The following MROH9 variants were observed in gnomAD, a reference collection of about 807,000 sequenced individuals.
MROH9 encodes the protein maestro heat-like repeat-containing protein family member 9.
A neutral mutation model predicts 98.2 loss-of-function variants in MROH9; 92 were observed. The ratio of observed to expected loss-of-function variants is 0.94; its 90% confidence interval spans 0.79 to 1.11. The LOEUF (loss-of-function observed/expected upper bound fraction) is 1.11. Among genes scored for constraint, MROH9 ranks in the 50% most tolerant of loss-of-function variants. MROH9 has a pLI of 0.00. For synonymous variants in MROH9, 397 were observed against 368.9 expected, an observed-to-expected ratio of 1.08 and a Z score of -0.87; for missense variants, 1,057 against 1,014.8, an observed-to-expected ratio of 1.04 and a Z score of -0.57.
At chr1:171,041,897 C>A (rs72710597) in intron 20 of MROH9, among the ~76,000 whole-genome samples, 13,641 of 151,802 alleles carry the variant, frequency 0.09, 757 homozygotes, top group Middle Eastern at 0.21. Context: ...TTTATGGGTA[C>A]ATGGGATATT....
chr1:170,979,580 T>C (rs1650848562), intron 8 of MROH9, among the ~76,000 whole-genome samples: 2 of 152,110 alleles, frequency 1.3e-5, no homozygotes, highest in South Asian at 4.1e-4. Context: ...CTCAAAGAAA[T>C]TTTGGGGGCC....
chr1:170,992,289 A>C lies in MROH9; in HGVS notation c.1154A>C (p.Lys385Thr). The change falls in exon 12 of 22, where the codon AAA becomes ACA. Residue 385 changes from lysine (K) to threonine (T), a missense_variant. Physicochemically the swap from Lys to Thr is moderately conservative, Grantham distance 78. Transcript: ENST00000367759. ...ATGGAGGACACCGTAACGGAAGGGA[A>C]ACGTTTCTCTCTTGATATTACCAAC... ...GEMEDTVTEGKRFSLDITNLM... is the reference protein window; with the variant it reads ...GEMEDTVTEGTRFSLDITNLM... 1.2e-6 allele frequency: 2 copies of C among 1,613,520 alleles called. No homozygotes were observed. The highest frequency in any genetic ancestry group is 2.2e-5 in the South Asian group (2 of 91,064).
chr1:170,937,665 G>A (rs1052603176), intron 1 of MROH9, among the ~76,000 whole-genome samples: 3 of 150,268 alleles, frequency 2.0e-5, no homozygotes, highest in Non-Finnish European at 3.0e-5. Flanking sequence ...GGGACTACAG[G>A]CGCCCGCCAC....
intron 3 of MROH9, among the ~76,000 whole-genome samples, chr1:170,957,124 T>C (rs753600123): frequency 3.9e-5 from 6 of 152,106 alleles, no homozygotes; most frequent in Non-Finnish European, 7.3e-5. Flanking sequence ...ATAGGTTGTC[T>C]TTCTAATTTT....
At position 170,970,350 on chromosome 1, in the gene MROH9, C is replaced by T. The variant is rs943125554; in HGVS notation, c.481-1398C>T. On this transcript the variant is annotated intron_variant, in intron 7 of 21. Transcript: ENST00000367759. ...AAAACTTGATCCTTTTTCTCATGCC[C>T]ATACACAATGATGGTTTTAAGATCT... 8.6e-5 allele frequency among the ~76,000 whole-genome samples: 13 copies of T among 151,698 alleles called. No individual in the cohort carries two copies. The South Asian group carries it at 2.7e-3, about 32-fold the overall frequency.
At chr1:171,061,580 T>G (rs1654016227) in intron 20 of MROH9, among the ~76,000 whole-genome samples, 1 of 152,194 alleles carries the variant, frequency 6.6e-6, no homozygotes, top group African/African-American at 2.4e-5. Flanking sequence ...AGACTTTGAG[T>G]ACCATATAGT....
At chr1:170,945,009 G>A (rs1031983901) in intron 1 of MROH9, among the ~76,000 whole-genome samples, 4 of 151,986 alleles carry the variant, frequency 2.6e-5, no homozygotes, top group Non-Finnish European at 5.9e-5. Flanking sequence ...TGAGTGGCCT[G>A]CCCTAATCAC....
chr1:171,060,688 G>T (rs190548580), intron 20 of MROH9, among the ~76,000 whole-genome samples: 18 of 152,212 alleles, frequency 1.2e-4, no homozygotes, highest in African/African-American at 4.3e-4. Flanking sequence ...AACTATACAG[G>T]TATATAAAAA....
Position 170,970,702 on chromosome 1 carries a change from C to CTGTGTGTGTGTGTGTGTGTGTG in MROH9, c.481-1037_481-1016dup, listed in dbSNP as rs3980698. ...CTTCATATTTCTTCCTTAGGAATTT[C>CTGTGTGTGTGTGTGTGTGTGTG]TGTGTGTGTGTGTGTGTGTGTGTGT... On this transcript the variant is annotated intron_variant, in intron 7 of 21. Coordinates refer to ENST00000367759, the MANE Select transcript of MROH9 (RefSeq NM_001163629.2). 6.3e-3 allele frequency among the ~76,000 whole-genome samples: 744 copies of CTGTGTGTGTGTGTGTGTGTGTG among 118,334 alleles called. 16 individuals are homozygous for CTGTGTGTGTGTGTGTGTGTGTG. The highest frequency in any genetic ancestry group is 0.045 in the Middle Eastern group (9 of 200). The allele number at this position is 118,334 out of a possible 152,430, so 77.6% of individuals were successfully genotyped here.
chr1:170,937,032 AG>A (rs1377651494), intron 1 of MROH9, among the ~76,000 whole-genome samples: 8 of 152,224 alleles, frequency 5.3e-5, no homozygotes, highest in Non-Finnish European at 7.3e-5. Context: ...CTAGAGAAAC[AG>A]GGTCTTCACA....
chr1:170,969,055 G>T lies in MROH9; in HGVS notation c.481-2693G>T, dbSNP rs181091679. On this transcript the variant is annotated intron_variant, in intron 7 of 21. Coordinates refer to ENST00000367759, the MANE Select transcript of MROH9 (RefSeq NM_001163629.2). ...GTGGTTCTCCAACAAGTTACACATA[G>T]AATTGCTATTTGACACAGAAATCTT... Among the ~76,000 whole-genome samples, 3 of 152,276 alleles carry T rather than the reference G, an allele frequency of 2.0e-5. No individual in the cohort carries two copies. The East Asian group carries it at 5.8e-4, about 29-fold the overall frequency.
chr1:171,022,285 G>A (rs1441339095), intron 17 of MROH9, among the ~76,000 whole-genome samples: 1 of 152,152 alleles, frequency 6.6e-6, no homozygotes, highest in Non-Finnish European at 1.5e-5. Flanking sequence ...CTGCTTTAAA[G>A]ACACATGCAC....
intron 1 of MROH9, among the ~76,000 whole-genome samples, chr1:170,938,607 AG>A (rs1255534415): frequency 6.6e-6 from 1 of 152,210 alleles, no homozygotes; most frequent in Admixed American, 6.5e-5. Context: ...TTGGCTGTGA[AG>A]TGAGTTCCTT....
chr1:170,994,676 C>G (rs939625955), intron 12 of MROH9, among the ~76,000 whole-genome samples: 9 of 152,116 alleles, frequency 5.9e-5, no homozygotes, highest in African/African-American at 1.9e-4. Flanking sequence ...GTTGTGCTAT[C>G]AAATAATCTT....
chr1:170,972,293 G>A (rs1035208953), intron 8 of MROH9, among the ~76,000 whole-genome samples: 2 of 152,164 alleles, frequency 1.3e-5, no homozygotes, highest in African/African-American at 4.8e-5. Flanking sequence ...TAAAATAAAT[G>A]TTGCTGTGGC....
At chr1:170,971,688 C>T (rs1008970524) in intron 7 of MROH9, 60 bp from the exon 8 acceptor site, 1 of 1,571,306 alleles carries the variant, frequency 6.4e-7, no homozygotes, top group South Asian at 1.1e-5. Flanking sequence ...CAGATGCATG[C>T]AGACATTTTC....
At position 170,990,002 on chromosome 1, in the gene MROH9, G is replaced by T. The variant is rs759800504; in HGVS notation, c.1027G>T (p.Asp343Tyr). The change falls in exon 11 of 22, where the codon GAC becomes TAC. Residue 343 changes from aspartate to tyrosine, a missense_variant and splice_region_variant. Asp to Tyr is a radical substitution (Grantham distance 160, BLOSUM62 -3). Transcript: ENST00000367759. ...TATGGACTACCCAGTTCCAGCAGAC[G>T]AGTAAGGCCCCCCAACCCTCTGTCC... ...QLMDYPVPADDTLIQMWKAAC... is the reference protein window; with the variant it reads ...QLMDYPVPADYTLIQMWKAAC... The T allele has an allele frequency of 6.2e-7, 1 of 1,609,486 alleles. No homozygotes were observed. Among genetic ancestry groups the T allele is most frequent in the Admixed American group, 1.7e-5 (1 of 59,758 alleles).
intron 20 of MROH9, among the ~76,000 whole-genome samples, chr1:171,048,411 C>T (rs1406596015): frequency 2.0e-5 from 3 of 152,136 alleles, no homozygotes; most frequent in African/African-American, 7.2e-5. Flanking sequence ...AGAGGAGCCT[C>T]ACCTTGTAGC....
chr1:171,023,763 G>A (rs1378922259), intron 17 of MROH9, among the ~76,000 whole-genome samples: 1 of 150,506 alleles, frequency 6.6e-6, no homozygotes, highest in African/African-American at 2.5e-5. Context: ...TGGTGAGAAC[G>A]TTTGAGATCT....
Sources: gnomAD v4.1 joint callset for allele counts (sites outside exome capture counted in the v4.1 genomes callset) on GRCh38, gnomAD v4.1.1 for gene constraint, MANE v1.5 for transcripts, NCBI Gene and HGNC (gene_info 2026-07-23, HGNC 2026-07-21) for gene names.